Variants in SEC61A2 observed in about 807,000 individuals in gnomAD.
SEC61A2 encodes protein transport protein Sec61 subunit alpha isoform 2.
Under a neutral mutation model 59.9 loss-of-function variants are expected in SEC61A2, and 28 were observed. The observed-to-expected ratio is 0.47, with a 90% CI of 0.35 to 0.64. SEC61A2 has a LOEUF of 0.64. Among genes scored for constraint, SEC61A2 ranks in the 30% least tolerant of loss-of-function variants. The pLI is 0.01. For synonymous variants in SEC61A2, 202 were observed against 214.4 expected (o/e 0.94, Z 0.50); for missense variants, 340 against 585.9 (o/e 0.58, Z 4.33).
At chr10:12,135,585 G>C (rs550292095) in intron 2 of SEC61A2, among the ~76,000 whole-genome samples, 1 of 152,168 alleles carries the variant, frequency 6.6e-6, no homozygotes, top group Non-Finnish European at 1.5e-5. Context: ...TACCCATTAA[G>C]TAATTTCTCA....
rs757228475 is a variant in SEC61A2 at position 12,155,949 on chromosome 10, T to C, written c.616+18T>C. 1 of 1,613,962 alleles carries C rather than the reference T, an allele frequency of 6.2e-7. No individual in the cohort carries two copies. The highest frequency in any genetic ancestry group is 1.7e-5 in the Admixed American group (1 of 60,020). ...TGGCAGAGGTACATCGCACAGCGAC[T>C]GCAACTGCACGCGTTTTGCTGGATG... On this transcript the variant is annotated intron_variant, in intron 7 of 11. Transcript: ENST00000298428. The surrounding 1 kb of genome is among the most constrained non-coding windows in gnomAD (Gnocchi z 4.3).
intron 3 of SEC61A2, among the ~76,000 whole-genome samples, chr10:12,141,780 G>C (rs1409530522): frequency 6.6e-6 from 1 of 152,134 alleles, no homozygotes; most frequent in Non-Finnish European, 1.5e-5. Flanking sequence ...CTTGCCCCAG[G>C]GGTCTGTCCT....
At chr10:12,151,894 TC>T (rs1834283712) in intron 6 of SEC61A2, among the ~76,000 whole-genome samples, 1 of 152,172 alleles carries the variant, frequency 6.6e-6, no homozygotes, top group Non-Finnish European at 1.5e-5. Flanking sequence ...TGCCTCAGCC[TC>T]CCAAAGTGCT....
In SEC61A2 at chr10:12,155,251, A is replaced by G; in HGVS notation, c.463-527A>G. On this transcript the variant is annotated intron_variant, in intron 6 of 11. Transcript: ENST00000298428. This position sits in a 1 kb window ranked among gnomAD's most constrained non-coding sequence, Gnocchi z 4.3. Reference sequence around the variant, plus strand: ...GTACATATTTGTGTTCTAGTTTTTTATTCTGTACACATTTTATAGAGTATA... The same window carrying G: ...GTACATATTTGTGTTCTAGTTTTTTGTTCTGTACACATTTTATAGAGTATA... 1 of 1,209,034 alleles carries G rather than the reference A, an allele frequency of 8.3e-7. No individual in the cohort carries two copies. Among genetic ancestry groups the G allele is most frequent in the Non-Finnish European group, 1.1e-6 (1 of 923,986 alleles). The allele number at this position is 1,209,034 out of a possible 1,614,324, so 74.9% of individuals were successfully genotyped here.
chr10:12,162,103 G>T lies in SEC61A2; in HGVS notation c.1168-110G>T. The T allele has an allele frequency of 1.2e-6, 1 of 818,268 alleles. No individual in the cohort carries two copies. The allele number at this position is 818,268 out of a possible 1,614,324, so 50.7% of individuals were successfully genotyped here. ...AATGATATGACAATGCAACTTTCAG[G>T]TTATTGTATGTTACGTGTTAGTGTG... On this transcript the variant is annotated intron_variant, in intron 10 of 11. Coordinates refer to ENST00000298428, the MANE Select transcript of SEC61A2 (RefSeq NM_018144.4). This position sits in a 1 kb window ranked among gnomAD's most constrained non-coding sequence, Gnocchi z 6.1.
intron 3 of SEC61A2, among the ~76,000 whole-genome samples, chr10:12,136,708 C>A (rs780102484): frequency 2.0e-5 from 3 of 152,200 alleles, no homozygotes; most frequent in African/African-American, 7.2e-5. Context: ...CGACTCACTG[C>A]AACCTCTGCC....
chr10:12,130,502 G>A lies in SEC61A2; in HGVS notation c.7+708G>A, dbSNP rs1447250343. Among the ~76,000 whole-genome samples, 4 of 152,142 alleles carry A rather than the reference G, an allele frequency of 2.6e-5. No individual in the cohort carries two copies. In the East Asian group the frequency reaches 5.8e-4, roughly 22 times the overall value. ...GACATTTGGGGGAAATTAGAAAGGA[G>A]TAGGAGAGACCCGTGGTAAAATTTT... On this transcript the variant is annotated intron_variant, in intron 1 of 11. Transcript: ENST00000298428.
At position 12,160,916 on chromosome 10, in the gene SEC61A2, C is replaced by G; in HGVS notation, c.976-14C>G. On this transcript the variant is annotated splice_polypyrimidine_tract_variant and intron_variant, in intron 9 of 11. Coordinates refer to ENST00000298428, the MANE Select transcript of SEC61A2 (RefSeq NM_018144.4). This position sits in a 1 kb window ranked among gnomAD's most constrained non-coding sequence, Gnocchi z 4.1. ...TTAGGTTGACCACTTGTTCTTTGTA[C>G]TCCTGTTCTGTAGGATGTCAGTGGG... The G allele has an allele frequency of 6.2e-7, 1 of 1,605,124 alleles. No individual in the cohort carries two copies.
downstream of SEC61A2, chr10:12,167,785 C>T (rs1834741518): frequency 1.2e-6 from 2 of 1,614,042 alleles, no homozygotes; most frequent in African/African-American, 2.7e-5. Flanking sequence ...CTGGCGTCCA[C>T]TGTGAGATGT....
chr10:12,147,212 T>C (rs917220250), intron 4 of SEC61A2, among the ~76,000 whole-genome samples: 7 of 152,202 alleles, frequency 4.6e-5, no homozygotes, highest in Non-Finnish European at 8.8e-5. Context: ...TTTTAACCAT[T>C]ATGCTGCCTT....
rs1834365086 is a variant in SEC61A2 at position 12,155,039 on chromosome 10, C to T, written c.463-739C>T. On this transcript the variant is annotated intron_variant, in intron 6 of 11. Coordinates refer to ENST00000298428, the MANE Select transcript of SEC61A2 (RefSeq NM_018144.4). This position sits in a 1 kb window ranked among gnomAD's most constrained non-coding sequence, Gnocchi z 4.3. ...AGGGACTGTTTTTAATTAATGCATA[C>T]TTTTACAGGAATGTCTTCTCCAAGA... 6.6e-6 allele frequency among the ~76,000 whole-genome samples: 1 copy of T among 152,098 alleles called. No homozygotes were observed. The highest frequency in any genetic ancestry group is 1.5e-5 in the Non-Finnish European group (1 of 68,020).
At chr10:12,151,645 C>G (rs11257569) in intron 6 of SEC61A2, among the ~76,000 whole-genome samples, 67,418 of 151,808 alleles carry the variant, frequency 0.44, 15,768 homozygotes, top group Middle Eastern at 0.57. Context: ...AGATCAAGAT[C>G]AAGCTGAGAA....
At position 12,164,537 on chromosome 10, in the gene SEC61A2, C is replaced by G. The variant is rs1277267988; in HGVS notation, c.*83C>G. The G allele has an allele frequency of 6.5e-7, 1 of 1,528,310 alleles. No homozygotes were observed. The highest frequency in any genetic ancestry group is 1.4e-5 in the African/African-American group (1 of 71,954). The allele number at this position is 1,528,310 out of a possible 1,614,324, so 94.7% of individuals were successfully genotyped here. ...TTGTCAGATGACACTGGTGGCTCCCCTTTTCTCCCCTCACAGTTTCTTGTT... is the reference window on the plus strand; with the variant it reads ...TTGTCAGATGACACTGGTGGCTCCCGTTTTCTCCCCTCACAGTTTCTTGTT... On this transcript the variant is annotated 3_prime_UTR_variant, in exon 12 of 12. Coordinates refer to ENST00000298428, the MANE Select transcript of SEC61A2 (RefSeq NM_018144.4). This position sits in a 1 kb window ranked among gnomAD's most constrained non-coding sequence, Gnocchi z 7.3.
rs1223216006 is a variant in SEC61A2, at chr10:12,158,291, C to T, written c.975+186C>T. On this transcript the variant is annotated intron_variant, in intron 9 of 11. Transcript: ENST00000298428. The surrounding 1 kb of genome is among the most constrained non-coding windows in gnomAD (Gnocchi z 5.7). ...TGTTGCAGAAGTAAGATTGCCCAAG[C>T]GCTTTTTATTATTTTGCTCTCTAGG... The T allele has an allele frequency of 5.3e-5, 30 of 564,728 alleles. No homozygotes were observed. Among genetic ancestry groups the T allele is most frequent in the East Asian group, 3.7e-4 (12 of 32,296 alleles). 35.0% of individuals were successfully genotyped at this position (564,728 alleles called of 1,614,324 possible).
intron 6 of SEC61A2, 113 bp downstream of exon 6, chr10:12,150,074 T>A: frequency 2.8e-6 from 2 of 724,652 alleles, no homozygotes; most frequent in Non-Finnish European, 4.5e-6. Context: ...TTGAATTATT[T>A]AATTCTAGTA....
At position 12,158,270 on chromosome 10, in the gene SEC61A2, G is replaced by A; in HGVS notation, c.975+165G>A. The A allele has an allele frequency of 1.6e-6, 1 of 606,358 alleles. No individual in the cohort carries two copies. Among genetic ancestry groups the A allele is most frequent in the South Asian group, 2.3e-5 (1 of 44,126 alleles). The allele number at this position is 606,358 out of a possible 1,614,324, so 37.6% of individuals were successfully genotyped here. A position where few individuals can be genotyped will look rare whatever the true frequency, so the allele number is the denominator to read the frequency against. On this transcript the variant is annotated intron_variant, in intron 9 of 11. Coordinates refer to ENST00000298428, the MANE Select transcript of SEC61A2 (RefSeq NM_018144.4). The surrounding 1 kb of genome is among the most constrained non-coding windows in gnomAD (Gnocchi z 5.7). ...TTATCTGGAAGAACTGGTAAGTGTT[G>A]CAGAAGTAAGATTGCCCAAGCGCTT...
At position 12,161,860 on chromosome 10, in the gene SEC61A2, G is replaced by A. The variant is rs1467716132; in HGVS notation, c.1168-353G>A. Among the ~76,000 whole-genome samples the A allele has an allele frequency of 6.6e-6, 1 of 152,072 alleles. No individual in the cohort carries two copies. The highest frequency in any genetic ancestry group is 1.5e-5 in the Non-Finnish European group (1 of 68,024). Reference sequence around the variant, plus strand: ...GTGGATACACTCCTTTATAACTTAAGCTTTAATTTATACATTTTTAATGAG... The same window carrying A: ...GTGGATACACTCCTTTATAACTTAAACTTTAATTTATACATTTTTAATGAG... On this transcript the variant is annotated intron_variant, in intron 10 of 11. Transcript: ENST00000298428. This position sits in a 1 kb window ranked among gnomAD's most constrained non-coding sequence, Gnocchi z 5.4.
chr10:12,149,743 T>G lies in SEC61A2; in HGVS notation c.352+17T>G. 1 of 1,606,900 alleles carries G rather than the reference T, an allele frequency of 6.2e-7. No individual in the cohort carries two copies. The highest frequency in any genetic ancestry group is 8.5e-7 in the Non-Finnish European group (1 of 1,176,742). On this transcript the variant is annotated intron_variant, in intron 5 of 11. Transcript: ENST00000298428. This position sits in a 1 kb window ranked among gnomAD's most constrained non-coding sequence, Gnocchi z 5.2. ...CCCAGAAACGTGAGCATTAATGCAA[T>G]TAAAGAGCATTCTCCAAATTTGAGA...
chr10:12,167,830 A>G (rs1341629297), downstream of SEC61A2: 1 of 1,613,112 alleles, frequency 6.2e-7, no homozygotes, highest in East Asian at 2.2e-5. Flanking sequence ...AGCAAAGAAA[A>G]CAACTTAGAT....
Sources: allele counts gnomAD v4.1 joint callset (sites outside exome capture counted in the v4.1 genomes callset), GRCh38; gene constraint gnomAD v4.1.1; non-coding constraint Gnocchi (gnomAD v3.1); transcripts MANE v1.5; gene names NCBI Gene and HGNC (gene_info 2026-07-23, HGNC 2026-07-21).